Variants in ANKRD26 observed in about 807,000 individuals in gnomAD.
ANKRD26 encodes the protein ankyrin repeat domain 26, also known as ankyrin repeat domain-containing protein 26.
ANKRD26 carries 141 observed loss-of-function variants against 208.7 expected under a neutral mutation model. The ratio of observed to expected loss-of-function variants is 0.68; its 90% CI spans 0.59 to 0.78. The LOEUF (loss-of-function observed/expected upper bound fraction) is 0.78, where lower values mean the gene tolerates loss of function less well. ANKRD26 is among the 30% of genes least tolerant of loss of function. The pLI, the probability that ANKRD26 is intolerant of heterozygous loss-of-function variation, is 0.00. For synonymous variants in ANKRD26, 636 were observed against 660.4 expected (o/e 0.96, Z 0.57); for missense variants, 1,889 against 1,938.7 (o/e 0.97, Z 0.48).
intron 3 of ANKRD26, among the ~76,000 whole-genome samples, chr10:26,986,508 G>A (rs1337773979): frequency 6.6e-6 from 1 of 152,204 alleles, no homozygotes; most frequent in African/African-American, 2.4e-5. Context: ...CAGAATGGGA[G>A]AAAATTTTTG....
chr10:26,953,826 T>C, the ANKRD26 span, among the ~76,000 whole-genome samples: 1 of 152,240 alleles, frequency 6.6e-6, no homozygotes, highest in Admixed American at 6.5e-5. Flanking sequence ...AATAGCCTTT[T>C]TTGTTCCATG....
intron 9 of ANKRD26, among the ~76,000 whole-genome samples, chr10:27,070,274 C>G (rs1188339127): frequency 1.3e-5 from 2 of 151,966 alleles, no homozygotes; most frequent in African/African-American, 4.8e-5. Flanking sequence ...GTAGTACACA[C>G]TTGTAGTCCC....
At chr10:27,051,894 T>C (rs758031413) in intron 16 of ANKRD26, 1 of 985,292 alleles carries the variant, frequency 1.0e-6, no homozygotes, top group African/African-American at 1.7e-5. Context: ...ACCACAGCTC[T>C]GCTTTAACTC....
intron 10 of ANKRD26, among the ~76,000 whole-genome samples, chr10:27,066,867 G>A (rs904417182): frequency 9.9e-5 from 15 of 151,820 alleles, no homozygotes; most frequent in Admixed American, 3.3e-4. Context: ...GAGTGCAGTG[G>A]CGCAATCTCA....
rs757238856 is a variant in ANKRD26, at chr10:27,082,787, A to T, written c.740+16T>A. The stretch of plus-strand genomic sequence containing the variant: ...TATTCCTTTAAATATATTTTTAAAA[A>T]TCTGTAAAATACTACCTGCTTAAGG... On this transcript the variant is annotated intron_variant, in intron 6 of 33. Transcript: ENST00000376087. 5.7e-6 allele frequency: 9 copies of T among 1,573,534 alleles called. No homozygotes were observed. The South Asian group carries it at 9.3e-5, about 16-fold the overall frequency.
intron 32 of ANKRD26, 81 bp downstream of exon 32, chr10:27,012,801 A>C: frequency 7.2e-7 from 1 of 1,384,086 alleles, no homozygotes; most frequent in African/African-American, 1.4e-5. Flanking sequence ...AACAGAGTAA[A>C]ACGCTGTCTC....
chr10:27,098,959 A>T (rs536250929), intron 1 of ANKRD26, among the ~76,000 whole-genome samples: 1 of 152,108 alleles, frequency 6.6e-6, no homozygotes, highest in Non-Finnish European at 1.5e-5. Flanking sequence ...TCACATGCCA[A>T]TACACTTCTG....
downstream of ANKRD26, among the ~76,000 whole-genome samples, chr10:27,000,697 C>A (rs2052702539): frequency 6.6e-6 from 1 of 152,102 alleles, no homozygotes. Context: ...TATGCAAGAT[C>A]TCTATAAGTT....
At chr10:27,047,363 G>A (rs1469295424) in intron 17 of ANKRD26, among the ~76,000 whole-genome samples, 1 of 152,092 alleles carries the variant, frequency 6.6e-6, no homozygotes, top group Non-Finnish European at 1.5e-5. Flanking sequence ...GCTCACACCT[G>A]TAATACCAGC....
chr10:26,951,507 T>C, the ANKRD26 span, among the ~76,000 whole-genome samples: 4 of 152,254 alleles, frequency 2.6e-5, no homozygotes, highest in Admixed American at 2.0e-4. Flanking sequence ...GTTGCTCTTG[T>C]GACTCACCTT....
chr10:26,999,176 T>C (rs996143417), downstream of ANKRD26, among the ~76,000 whole-genome samples: 1 of 152,214 alleles, frequency 6.6e-6, no homozygotes, highest in African/African-American at 2.4e-5. Flanking sequence ...AGTTCACAGG[T>C]GCACTAATAT....
chr10:27,100,203 C>T lies in ANKRD26; in HGVS notation c.124G>A (p.Val42Ile). ...ATCTTGCCGAGATCTCGGTCTCGGA[C>T]GTGGTAGCCGGGCTGCGAGTAGGCG... The part of the protein sequence containing the change: ...EGAYSQPGYH[V>I]RDRDLGKIHK... The change falls in exon 1 of 34, where the codon GTC becomes ATC. Residue 42 changes from valine to isoleucine, a missense_variant. Val to Ile is a conservative substitution (Grantham distance 29). Transcript: ENST00000376087. 6.2e-7 allele frequency: 1 copy of T among 1,613,740 alleles called. No individual in the cohort carries two copies. The highest frequency in any genetic ancestry group is 8.5e-7 in the Non-Finnish European group (1 of 1,179,944).
At chr10:27,035,874 A>G (rs2054026330) in intron 23 of ANKRD26, 122 bp from the exon 24 acceptor site, 2 of 730,634 alleles carry the variant, frequency 2.7e-6, no homozygotes, top group Non-Finnish European at 4.4e-6. Context: ...TGTATATCCA[A>G]TTGAAAAAAA....
the ANKRD26 span, among the ~76,000 whole-genome samples, chr10:26,958,411 C>A: frequency 2.0e-4 from 30 of 152,130 alleles, no homozygotes; most frequent in Non-Finnish European, 3.5e-4. Context: ...TTAAGCCCAA[C>A]ATCCATTAGC....
intron 32 of ANKRD26, among the ~76,000 whole-genome samples, chr10:27,011,453 T>C (rs1203229248): frequency 6.6e-6 from 1 of 152,020 alleles, no homozygotes; most frequent in African/African-American, 2.4e-5. Context: ...GTTCCCCCAG[T>C]CAAAAATGGT....
chr10:27,025,648 A>G (rs1295107935), intron 27 of ANKRD26, among the ~76,000 whole-genome samples: 1 of 152,268 alleles, frequency 6.6e-6, no homozygotes, highest in Admixed American at 6.5e-5. Flanking sequence ...AACTACTATC[A>G]GTGACCATAC....
downstream of ANKRD26, among the ~76,000 whole-genome samples, chr10:26,972,184 G>A (rs896679417): frequency 2.7e-5 from 4 of 149,090 alleles, no homozygotes; most frequent in Non-Finnish European, 5.9e-5. Context: ...GCAGTGAGCC[G>A]AGATCGTGCC....
chr10:27,091,658 G>C (rs186371540), intron 4 of ANKRD26, among the ~76,000 whole-genome samples: 1 of 152,258 alleles, frequency 6.6e-6, no homozygotes, highest in East Asian at 1.9e-4. Context: ...GCAGAGGTTA[G>C]AACAATACCA....
chr10:26,972,804 A>G (rs983853987), downstream of ANKRD26, among the ~76,000 whole-genome samples: 1 of 151,952 alleles, frequency 6.6e-6, no homozygotes, highest in African/African-American at 2.4e-5. Flanking sequence ...GTTAGCCAGG[A>G]TGGTCTCGAT....
Sources: gnomAD v4.1 joint callset for allele counts (sites outside exome capture counted in the v4.1 genomes callset) on GRCh38, gnomAD v4.1.1 for gene constraint, MANE v1.5 for transcripts, NCBI Gene and HGNC (gene_info 2026-07-23, HGNC 2026-07-21) for gene names.